Variants in CNTNAP5 observed in about 807,000 individuals in gnomAD.
CNTNAP5 encodes contactin associated protein family member 5, also known as contactin-associated protein-like 5.
CNTNAP5 carries 72 observed loss-of-function variants against 150.2 expected under a neutral mutation model. That is an observed-to-expected ratio of 0.48 (90% confidence interval 0.40 to 0.58). CNTNAP5 has a LOEUF of 0.58. CNTNAP5 is among the 20% of genes least tolerant of loss of function. CNTNAP5 has a pLI of 0.00. For synonymous variants in CNTNAP5, 672 were observed against 619.8 expected (o/e 1.08, Z -1.25); for missense variants, 1,636 against 1,626.2 (o/e 1.01, Z -0.10).
At chr2:124,428,026 A>G (rs1188294539) in intron 4 of CNTNAP5, among the ~76,000 whole-genome samples, 1 of 152,176 alleles carries the variant, frequency 6.6e-6, no homozygotes, top group Non-Finnish European at 1.5e-5. Context: ...GCTGGTCCAC[A>G]GGGTATGGTT....
At chr2:124,683,825 A>G (rs780913180) in intron 13 of CNTNAP5, among the ~76,000 whole-genome samples, 1 of 152,204 alleles carries the variant, frequency 6.6e-6, no homozygotes, top group South Asian at 2.1e-4. Flanking sequence ...TTTTCTAGTC[A>G]CAAAATGTTA....
intron 7 of CNTNAP5, among the ~76,000 whole-genome samples, chr2:124,486,253 GAGGATGCAA>G (rs1405193392): frequency 6.6e-6 from 1 of 152,160 alleles, no homozygotes; most frequent in African/African-American, 2.4e-5. Flanking sequence ...GCTAAGCTAT[GAGGATGCAA>G]AGGTATAATC....
At chr2:124,367,922 G>C (rs1690418898) in intron 3 of CNTNAP5, among the ~76,000 whole-genome samples, 2 of 152,180 alleles carry the variant, frequency 1.3e-5, no homozygotes, top group African/African-American at 4.8e-5. Context: ...CTGTGAATCT[G>C]AACAGATATT....
intron 19 of CNTNAP5, among the ~76,000 whole-genome samples, chr2:124,859,808 G>A (rs1290386498): frequency 1.3e-5 from 2 of 152,026 alleles, no homozygotes; most frequent in East Asian, 3.9e-4. Context: ...CTATCGCAAG[G>A]ACAAAAAACC....
At chr2:124,476,034 C>A (rs1198933427) in intron 7 of CNTNAP5, among the ~76,000 whole-genome samples, 1 of 151,740 alleles carries the variant, frequency 6.6e-6, no homozygotes, top group African/African-American at 2.4e-5. Context: ...CTGTGTATAG[C>A]TTTTGTTAGT....
Position 124,918,678 on chromosome 2 carries a change from T to C in CNTNAP5, c.*4390T>C, listed in dbSNP as rs1678815951. Among the ~76,000 whole-genome samples, 1 of 152,104 alleles carries C rather than the reference T, an allele frequency of 6.6e-6. No homozygotes were observed. Among genetic ancestry groups the C allele is most frequent in the African/African-American group, 2.4e-5 (1 of 41,450 alleles). On this transcript the variant is annotated 3_prime_UTR_variant, in exon 24 of 24. Transcript: ENST00000682447. Reference sequence around the variant, plus strand: ...ATCCATCAAAACCTCATTGCAGCTGTAGCCTACCAAAAGGCCTTTGGGATA... The same window carrying C: ...ATCCATCAAAACCTCATTGCAGCTGCAGCCTACCAAAAGGCCTTTGGGATA...
At chr2:124,773,246 T>C (rs1681245236) in intron 17 of CNTNAP5, among the ~76,000 whole-genome samples, 1 of 152,178 alleles carries the variant, frequency 6.6e-6, no homozygotes, top group African/African-American at 2.4e-5. Flanking sequence ...CCAGATTCTG[T>C]ACATTTTCTT....
intron 6 of CNTNAP5, among the ~76,000 whole-genome samples, chr2:124,448,124 C>T (rs897681418): frequency 7.9e-5 from 12 of 151,776 alleles, no homozygotes; most frequent in African/African-American, 1.7e-4. Flanking sequence ...AAAAACTAGC[C>T]GGGCATGGTG....
At chr2:124,059,403 T>C (rs1471619454) in intron 1 of CNTNAP5, among the ~76,000 whole-genome samples, 4 of 152,180 alleles carry the variant, frequency 2.6e-5, no homozygotes, top group Non-Finnish European at 5.9e-5. Flanking sequence ...TTTTGCTTTT[T>C]CTGCCCAAAG....
intron 19 of CNTNAP5, among the ~76,000 whole-genome samples, chr2:124,858,405 C>T (rs1677430906): frequency 1.3e-5 from 2 of 152,114 alleles, no homozygotes; most frequent in African/African-American, 4.8e-5. Context: ...TTCTTATACA[C>T]CAATAACAGA....
intron 1 of CNTNAP5, among the ~76,000 whole-genome samples, chr2:124,070,600 G>A (rs1244876313): frequency 6.6e-6 from 1 of 151,782 alleles, no homozygotes; most frequent in African/African-American, 2.4e-5. Flanking sequence ...TAGAGACAAA[G>A]AAGGGCATTA....
chr2:124,851,425 A>G (rs1683153920), intron 19 of CNTNAP5, among the ~76,000 whole-genome samples: 1 of 152,218 alleles, frequency 6.6e-6, no homozygotes, highest in South Asian at 2.1e-4. Context: ...TATATAGCAG[A>G]AGGAATCAAA....
intron 13 of CNTNAP5, among the ~76,000 whole-genome samples, chr2:124,682,862 A>T (rs1679101190): frequency 1.3e-5 from 2 of 152,218 alleles, no homozygotes. Flanking sequence ...TTGGCTAATT[A>T]GTGGCACAAA....
At chr2:124,097,688 G>A (rs1682966720) in intron 1 of CNTNAP5, among the ~76,000 whole-genome samples, 1 of 152,106 alleles carries the variant, frequency 6.6e-6, no homozygotes, top group African/African-American at 2.4e-5. Flanking sequence ...CTTGGACATC[G>A]CAGGGTTTGG....
chr2:124,167,422 G>T (rs1157946891), intron 1 of CNTNAP5, among the ~76,000 whole-genome samples: 1 of 152,086 alleles, frequency 6.6e-6, no homozygotes, highest in African/African-American at 2.4e-5. Flanking sequence ...GAGTTGTCAA[G>T]TAAAACAAAA....
intron 1 of CNTNAP5, among the ~76,000 whole-genome samples, chr2:124,116,837 G>T (rs1683441396): frequency 6.6e-6 from 1 of 152,140 alleles, no homozygotes; most frequent in Non-Finnish European, 1.5e-5. Context: ...TTTCAGAGTG[G>T]CATGCATTTC....
chr2:124,401,938 C>G (rs1330460118), intron 3 of CNTNAP5, among the ~76,000 whole-genome samples: 1 of 151,968 alleles, frequency 6.6e-6, no homozygotes, highest in African/African-American at 2.4e-5. Context: ...AAGACATTAC[C>G]CCCTGCAACC....
At chr2:124,908,808 A>T (rs1340033494) in intron 22 of CNTNAP5, among the ~76,000 whole-genome samples, 1 of 152,144 alleles carries the variant, frequency 6.6e-6, no homozygotes, top group Non-Finnish European at 1.5e-5. Context: ...TCTACTGTGT[A>T]TGTTTGTGTC....
rs187322722 is a variant in CNTNAP5 at position 124,291,148 on chromosome 2, T to C, written c.381+48755T>C. ...GTTTGTTTTTTGTTGATTCATATAA[T>C]TTGATTTGCGTATATAGTCATTGTT... On this transcript the variant is annotated intron_variant, in intron 3 of 23. Coordinates refer to ENST00000682447, the MANE Select transcript of CNTNAP5 (RefSeq NM_001367498.1). 4.4e-3 allele frequency among the ~76,000 whole-genome samples: 670 copies of C among 152,160 alleles called. 6 individuals carry two copies. Among genetic ancestry groups the C allele is most frequent in the African/African-American group, 0.015 (639 of 41,520 alleles).
Sources: gnomAD v4.1 joint callset for allele counts (sites outside exome capture counted in the v4.1 genomes callset) on GRCh38, gnomAD v4.1.1 for gene constraint, MANE v1.5 for transcripts, NCBI Gene and HGNC (gene_info 2026-07-23, HGNC 2026-07-21) for gene names.